Variants in ZSWIM6 observed in about 807,000 individuals in gnomAD.
ZSWIM6 encodes the protein zinc finger SWIM-type containing 6.
ZSWIM6 carries 9 observed loss-of-function variants against 113.2 expected under a neutral mutation model. The ratio of observed to expected loss-of-function variants is 0.08; its 90% CI spans 0.05 to 0.14. The LOEUF (loss-of-function observed/expected upper bound fraction) is 0.14. ZSWIM6 is among the 10% of genes least tolerant of loss of function. The probability of loss-of-function intolerance (pLI) is 1.00; values close to 1 mark genes in which losing one functional copy is unlikely to be tolerated. For synonymous variants in ZSWIM6, 611 were observed against 606.5 expected, an observed-to-expected ratio of 1.01 and a Z score of -0.11; for missense variants, 1,162 against 1,552.2, an observed-to-expected ratio of 0.75 and a Z score of 4.22.
intron 1 of ZSWIM6, among the ~76,000 whole-genome samples, chr5:61,440,676 C>G (rs192403302): frequency 1.3e-5 from 2 of 152,262 alleles, no homozygotes; most frequent in African/African-American, 4.8e-5. Flanking sequence ...TTGGAGTTTC[C>G]TTTTGCTATT....
chr5:61,427,879 CAAAA>C (rs1249105555), intron 1 of ZSWIM6, among the ~76,000 whole-genome samples: 1 of 151,864 alleles, frequency 6.6e-6, no homozygotes, highest in Admixed American at 6.6e-5. Flanking sequence ...TAAAACAACT[CAAAA>C]AAATCTTAAA....
At chr5:61,408,615 G>A (rs1261531513) in intron 1 of ZSWIM6, among the ~76,000 whole-genome samples, 2 of 152,174 alleles carry the variant, frequency 1.3e-5, no homozygotes, top group Admixed American at 1.3e-4. Flanking sequence ...AGTTTGCTTC[G>A]AAGTTCGACC....
At chr5:61,364,754 G>T (rs958325841) in intron 1 of ZSWIM6, among the ~76,000 whole-genome samples, 11 of 152,104 alleles carry the variant, frequency 7.2e-5, no homozygotes, top group South Asian at 4.1e-4. Context: ...AGAATGAGGG[G>T]GTCATGCATG....
At position 61,448,667 on chromosome 5, in the gene ZSWIM6, TG is replaced by T. The variant is rs1747017779; in HGVS notation, c.677-24012del. On this transcript the variant is annotated intron_variant, in intron 1 of 13. Transcript: ENST00000252744. ...GATTTGCAACCTGAGAGAGACAGACTGGTTCTGATCTGATACACTTAGTGTC... is the reference window on the plus strand; with the variant it reads ...GATTTGCAACCTGAGAGAGACAGACTGTTCTGATCTGATACACTTAGTGTC... Among the ~76,000 whole-genome samples the T allele has an allele frequency of 2.0e-5, 3 of 152,270 alleles. No homozygotes were observed. In the South Asian group the frequency reaches 6.2e-4, roughly 32 times the overall value.
At position 61,531,665 on chromosome 5, in the gene ZSWIM6, A is replaced by G; in HGVS notation, c.2185A>G (p.Ile729Val). 1.9e-6 allele frequency: 3 copies of G among 1,551,716 alleles called. No homozygotes were observed. The highest frequency in any genetic ancestry group is 1.4e-5 in the African/African-American group (1 of 73,170). ...EEQLISKLQE[I>V]ELDDTLVKIF... ...GCAGCTCATTTCTAAGCTTCAGGAA[A>G]TTGAATTGGATGACACACTGGTGAA... The change falls in exon 9 of 14, where the codon ATT (isoleucine) becomes GTT (valine). Residue 729 changes from isoleucine to valine, a missense_variant. Transcript: ENST00000252744.
chr5:61,336,580 A>G (rs1744402045), intron 1 of ZSWIM6, among the ~76,000 whole-genome samples: 1 of 152,092 alleles, frequency 6.6e-6, no homozygotes, highest in Non-Finnish European at 1.5e-5. Context: ...CAACATGGCA[A>G]ATCTTCGTCT....
At chr5:61,353,985 G>A (rs1255580345) in intron 1 of ZSWIM6, among the ~76,000 whole-genome samples, 2 of 152,148 alleles carry the variant, frequency 1.3e-5, no homozygotes, top group African/African-American at 2.4e-5. Flanking sequence ...TCTTACTACC[G>A]AATTATAGCT....
intron 1 of ZSWIM6, among the ~76,000 whole-genome samples, chr5:61,388,605 A>G (rs1244687373): frequency 6.6e-6 from 1 of 152,270 alleles, no homozygotes; most frequent in African/African-American, 2.4e-5. Context: ...AACTTCCAAC[A>G]ACCCTGTGAG....
intron 4 of ZSWIM6, 129 bp from the exon 5 acceptor site, chr5:61,521,134 T>A (rs769382138): frequency 1.1e-4 from 52 of 461,130 alleles, no homozygotes; most frequent in Non-Finnish European, 1.5e-4. Context: ...ATTTAAAAAA[T>A]TTAAATTTAA....
At chr5:61,542,074 G>T (rs926639948) in intron 13 of ZSWIM6, 109 bp downstream of exon 13, 46 of 949,772 alleles carry the variant, frequency 4.8e-5, no homozygotes, top group Non-Finnish European at 7.1e-5. Context: ...CTTCTCCAAG[G>T]CTCCTTCTAG....
At chr5:61,539,554 G>A in intron 11 of ZSWIM6, 42 bp from the exon 12 acceptor site, 1 of 1,525,880 alleles carries the variant, frequency 6.6e-7, no homozygotes, top group East Asian at 2.5e-5. Context: ...GTCTTGCTTT[G>A]CTTTGATTTG....
At chr5:61,455,208 T>TA (rs1480834702) in intron 1 of ZSWIM6, among the ~76,000 whole-genome samples, 3 of 152,238 alleles carry the variant, frequency 2.0e-5, no homozygotes, top group Admixed American at 6.5e-5. Context: ...AAGATGTTAC[T>TA]ACATCATATA....
intron 1 of ZSWIM6, among the ~76,000 whole-genome samples, chr5:61,388,064 C>T (rs1745626871): frequency 6.7e-6 from 1 of 149,930 alleles, no homozygotes; most frequent in African/African-American, 2.5e-5. Context: ...CTCACTGCAA[C>T]CTCCGCCTCT....
chr5:61,375,079 C>G (rs1745343826), intron 1 of ZSWIM6: 2 of 1,589,824 alleles, frequency 1.3e-6, no homozygotes, highest in Admixed American at 3.3e-5. Context: ...CCCGGTTTCC[C>G]TCGGTGTGCT....
At chr5:61,335,739 A>G (rs1453194544) in intron 1 of ZSWIM6, among the ~76,000 whole-genome samples, 2 of 152,228 alleles carry the variant, frequency 1.3e-5, no homozygotes, top group African/African-American at 2.4e-5. Flanking sequence ...TAGTTGTTGG[A>G]CTTTATTTTA....
intron 1 of ZSWIM6, among the ~76,000 whole-genome samples, chr5:61,449,685 T>G (rs1747043868): frequency 6.6e-6 from 1 of 152,220 alleles, no homozygotes; most frequent in Non-Finnish European, 1.5e-5. Context: ...AGAAGTCACA[T>G]GCCCGGCAAA....
chr5:61,341,054 AAGTC>A (rs1301886526), intron 1 of ZSWIM6, among the ~76,000 whole-genome samples: 17 of 152,256 alleles, frequency 1.1e-4, no homozygotes, highest in African/African-American at 3.9e-4. Context: ...GAAAATAAAA[AAGTC>A]AGTTCTGGCC....
chr5:61,381,228 G>A (rs1460432479), intron 1 of ZSWIM6, among the ~76,000 whole-genome samples: 1 of 152,126 alleles, frequency 6.6e-6, no homozygotes, highest in Non-Finnish European at 1.5e-5. Context: ...ACTCCAGCCT[G>A]GGCAACAGAG....
intron 2 of ZSWIM6, among the ~76,000 whole-genome samples, chr5:61,474,172 G>C (rs1466928649): frequency 1.3e-5 from 2 of 151,904 alleles, no homozygotes; most frequent in Admixed American, 6.6e-5. Flanking sequence ...TTTGTGTTTT[G>C]TTGTTTTTGA....
Sources: allele counts gnomAD v4.1 joint callset (sites outside exome capture counted in the v4.1 genomes callset), GRCh38; gene constraint gnomAD v4.1.1; transcripts MANE v1.5; gene names NCBI Gene and HGNC (gene_info 2026-07-23, HGNC 2026-07-21).